PIEZO1: variants seen among roughly 807,000 people sequenced by gnomAD.
PIEZO1 encodes the protein piezo-type mechanosensitive ion channel component 1.
PIEZO1 carries 296 observed loss-of-function variants against 297.2 expected under a neutral mutation model. The observed-to-expected ratio is 1.00, with a 90% CI of 0.91 to 1.10. The LOEUF (loss-of-function observed/expected upper bound fraction) is 1.10, where lower values mean the gene tolerates loss of function less well. PIEZO1 is among the 50% of genes least tolerant of loss of function. PIEZO1 has a pLI of 0.00. For synonymous variants in PIEZO1, 2,427 were observed against 1,507.5 expected (o/e 1.61, Z -14.13); for missense variants, 5,018 against 3,455.5 (o/e 1.45, Z -11.34).
At chr16:88,731,652 C>T (rs1036246258) in intron 22 of PIEZO1, 54 bp downstream of exon 22, 103 of 1,402,788 alleles carry the variant, frequency 7.3e-5, no homozygotes, top group South Asian at 4.4e-4. Context: ...AACACCCCCA[C>T]GGGCATCCAC....
Position 88,715,732 on chromosome 16 carries a change from A to G in PIEZO1, c.7439T>C (p.Leu2480Pro). Residue 2480 changes from leucine to proline, a missense_variant, in exon 51 of 51, where the codon CTC (leucine) becomes CCC (proline). Coordinates refer to ENST00000301015, the MANE Select transcript of PIEZO1 (RefSeq NM_001142864.4). ...CCGCACCAGGAAGATGTCCTGGCAGAGCTTGAGGATGCGGTCCACGCACGG... is the reference window on the plus strand; with the variant it reads ...CCGCACCAGGAAGATGTCCTGGCAGGGCTTGAGGATGCGGTCCACGCACGG... ...ELPCVDRILK[L>P]CQDIFLVRET... is the part of the protein sequence containing the mutation. 1 of 1,550,472 alleles carries G rather than the reference A, an allele frequency of 6.4e-7. No homozygotes were observed. The highest frequency in any genetic ancestry group is 8.7e-7 in the Non-Finnish European group (1 of 1,146,996).
intron 6 of PIEZO1, 23 bp downstream of exon 6, chr16:88,738,545 G>A: frequency 6.5e-7 from 1 of 1,531,382 alleles, no homozygotes; most frequent in Non-Finnish European, 8.7e-7. Context: ...GTGACTGCCA[G>A]TGCCCCCTGC....
At chr16:88,754,846 G>A (rs968025697) in intron 1 of PIEZO1, among the ~76,000 whole-genome samples, 2 of 152,236 alleles carry the variant, frequency 1.3e-5, no homozygotes, top group African/African-American at 4.8e-5. Flanking sequence ...AGGAGCTGAG[G>A]CTGCATCACA....
At chr16:88,743,254 G>A (rs1417260420) in intron 2 of PIEZO1, 3 of 456,560 alleles carry the variant, frequency 6.6e-6, no homozygotes, top group Non-Finnish European at 1.3e-5. Flanking sequence ...TCTGCTCTCG[G>A]CGCACATGTG....
At chr16:88,766,742 G>A (rs1278042192) in intron 1 of PIEZO1, among the ~76,000 whole-genome samples, 1 of 152,226 alleles carries the variant, frequency 6.6e-6, no homozygotes, top group Non-Finnish European at 1.5e-5. Flanking sequence ...TAACCACTAG[G>A]TGGGCAGGGC....
chr16:88,763,294 G>A (rs1156274146), intron 1 of PIEZO1, among the ~76,000 whole-genome samples: 1 of 152,220 alleles, frequency 6.6e-6, no homozygotes, highest in African/African-American at 2.4e-5. Context: ...GAACAGGGCG[G>A]CCCAAGGCAG....
At position 88,738,182 on chromosome 16, in the gene PIEZO1, G is replaced by A. The variant is rs1346237586; in HGVS notation, c.848+45C>T. ...CAGGGGCTAGACGAGCCAGGTGGGC[G>A]GGACCAGGGTGGCAGGAAAAAGGGG... On this transcript the variant is annotated intron_variant, in intron 7 of 50. Coordinates refer to ENST00000301015, the MANE Select transcript of PIEZO1 (RefSeq NM_001142864.4). 31 of 1,533,116 alleles carry A rather than the reference G, an allele frequency of 2.0e-5. No individual in the cohort carries two copies. The Middle Eastern group carries it at 5.0e-4, about 25-fold the overall frequency. 95.0% of individuals were successfully genotyped at this position (1,533,116 alleles called of 1,614,324 possible). A position where few individuals can be genotyped will look rare whatever the true frequency, so the allele number is the denominator to read the frequency against.
rs769452959 is a variant in PIEZO1 at position 88,733,942 on chromosome 16, C to T, written c.2293G>A (p.Val765Met). ...TGCGTGGCCTGGTGGGGAGTGGCCA[C>T]GCCCAGCCCCTCGTCCCTGGAGTCC... ...EEDSRDEGLG[V>M]ATPHQATQVP... Residue 765 changes from valine (V) to methionine (M), a missense_variant, in exon 17 of 51, where the codon GTG becomes ATG. Val to Met is a conservative substitution (Grantham distance 21, BLOSUM62 1). Transcript: ENST00000301015. 7.8e-6 allele frequency: 12 copies of T among 1,542,562 alleles called. No individual in the cohort carries two copies. The highest frequency in any genetic ancestry group is 2.7e-5 in the African/African-American group (2 of 72,884).
rs773385726 is a variant in PIEZO1 at position 88,734,853 on chromosome 16, C to T, written c.1848+22G>A. The T allele has an allele frequency of 1.4e-4, 214 of 1,550,238 alleles. 1 individual carries two copies. The highest frequency in any genetic ancestry group is 5.6e-4 in the South Asian group (47 of 84,060). On this transcript the variant is annotated intron_variant, in intron 14 of 50. Coordinates refer to ENST00000301015, the MANE Select transcript of PIEZO1 (RefSeq NM_001142864.4). ...CGCGGGGAGGGTCCGTGCCCCAGCC[C>T]CCATCCCGGCCCCCCAGCCACCTGG... is the stretch of plus-strand genomic sequence containing the variant.
chr16:88,756,322 G>C (rs1906651409), intron 1 of PIEZO1, among the ~76,000 whole-genome samples: 2 of 152,192 alleles, frequency 1.3e-5, no homozygotes, highest in Admixed American at 6.5e-5. Context: ...CCACAACCTG[G>C]AGTCAGTCGT....
Position 88,721,990 on chromosome 16 carries a change from CCCGCAGCAG to C in PIEZO1, c.5023_5031del (p.Leu1675_Arg1677del). On this transcript the variant is annotated inframe_deletion, in exon 37 of 51. Transcript: ENST00000301015. The stretch of plus-strand genomic sequence containing the variant: ...TGGGCGGCCACACACTGGTACACGG[CCCGCAGCAG>C]CCGCAGCGCCCGGCCCTGCCCCTCC... 1 of 1,549,626 alleles carries C rather than the reference CCCGCAGCAG, an allele frequency of 6.5e-7. No individual in the cohort carries two copies. The highest frequency in any genetic ancestry group is 8.7e-7 in the Non-Finnish European group (1 of 1,146,764).
chr16:88,726,760 G>A lies in PIEZO1; in HGVS notation c.3654C>T (p.Leu1218=), dbSNP rs745841990. Residue 1218 remains leucine (L), a synonymous_variant, in exon 25 of 51, where the codon CTC becomes CTT. Coordinates refer to ENST00000301015, the MANE Select transcript of PIEZO1 (RefSeq NM_001142864.4). The stretch of plus-strand genomic sequence containing the variant: ...TGATGACGGTGACGTTGTACAGAAT[G>A]AGGCAGTCCCACAGCACGAGGCGGG... The part of the protein sequence containing the change: ...TRARLVLWDC[L]ILYNVTVIIS... 22 of 1,550,062 alleles carry A rather than the reference G, an allele frequency of 1.4e-5. No individual in the cohort carries two copies. Among genetic ancestry groups the A allele is most frequent in the Non-Finnish European group, 1.7e-5 (20 of 1,146,858 alleles).
chr16:88,726,736 G>T lies in PIEZO1; in HGVS notation c.3678C>A (p.Ile1226=). The change falls in exon 25 of 51, where the codon ATC becomes ATA. Residue 1226 remains isoleucine, a synonymous_variant. Coordinates refer to ENST00000301015, the MANE Select transcript of PIEZO1 (RefSeq NM_001142864.4). ...DCLILYNVTV[I]ISKNMLSLLA... is the part of the protein sequence containing the mutation. ...TCACCGACAGCATGTTCTTGGAGATGATGACGGTGACGTTGTACAGAATGA... is the reference window on the plus strand; with the variant it reads ...TCACCGACAGCATGTTCTTGGAGATTATGACGGTGACGTTGTACAGAATGA... 6.5e-7 allele frequency: 1 copy of T among 1,550,036 alleles called. No homozygotes were observed. The highest frequency in any genetic ancestry group is 8.7e-7 in the Non-Finnish European group (1 of 1,146,762).
chr16:88,724,624 G>A (rs1041069349), intron 30 of PIEZO1, among the ~76,000 whole-genome samples: 4 of 152,082 alleles, frequency 2.6e-5, no homozygotes, highest in Non-Finnish European at 5.9e-5. Context: ...AACCCGGGAG[G>A]TAGAGATTGC....
rs1029415260 is a variant in PIEZO1 at position 88,717,046 on chromosome 16, T to C, written c.6637A>G (p.Thr2213Ala). The C allele has an allele frequency of 3.2e-6, 5 of 1,550,518 alleles. No homozygotes were observed. The African/African-American group carries it at 6.8e-5, about 21-fold the overall frequency. The change falls in exon 45 of 51, where the codon ACC becomes GCC. Residue 2213 changes from threonine to alanine, a missense_variant. Transcript: ENST00000301015. ...ACCTCATAGCCGCCCAGCTTCAGGG[T>C]GACGGTGACATCGATGGGCTGGTTG... ...VVNQPIDVTVTLKLGGYEPLF... is the reference protein window; with the variant it reads ...VVNQPIDVTVALKLGGYEPLF...
Position 88,736,205 on chromosome 16 carries a change from G to C in PIEZO1, c.1500C>G (p.Ser500Arg), listed in dbSNP as rs1167139880. ...TGTGCTCCAGCCCCAGCTGGCGCAGGCTGACGGGGCCCAGGGTGGTGGGCA... is the reference window on the plus strand; with the variant it reads ...TGTGCTCCAGCCCCAGCTGGCGCAGCCTGACGGGGCCCAGGGTGGTGGGCA... ...PELPTTLGPV[S>R]LRQLGLEHTR... The change falls in exon 12 of 51, where the codon AGC (serine) becomes AGG (arginine). Residue 500 changes from serine (S) to arginine (R), a missense_variant. Physicochemically the swap from Ser to Arg is moderately radical, Grantham distance 110. Coordinates refer to ENST00000301015, the MANE Select transcript of PIEZO1 (RefSeq NM_001142864.4). 6.5e-7 allele frequency: 1 copy of C among 1,549,724 alleles called. No homozygotes were observed.
intron 2 of PIEZO1, among the ~76,000 whole-genome samples, chr16:88,748,077 CG>C (rs1906157866): frequency 6.6e-6 from 1 of 152,228 alleles, no homozygotes; most frequent in African/African-American, 2.4e-5. Context: ...TCCACAGTCA[CG>C]CCCCCTGGTC....
At position 88,782,319 on chromosome 16, in the gene PIEZO1, C is replaced by A. The variant is rs778187629; in HGVS notation, c.64+2582G>T. ...ATAGAGATGGGGATCTCTACGTTGC[C>A]CAGGCTGCTCTCGAATGGCTACGCT... is the stretch of plus-strand genomic sequence containing the variant. On this transcript the variant is annotated intron_variant, in intron 1 of 50. Coordinates refer to ENST00000301015, the MANE Select transcript of PIEZO1 (RefSeq NM_001142864.4). Among the ~76,000 whole-genome samples the A allele has an allele frequency of 1.6e-3, 237 of 152,054 alleles. 3 individuals are homozygous for A. Among genetic ancestry groups the A allele is most frequent in the Non-Finnish European group, 1.4e-3 (94 of 68,006 alleles).
chr16:88,716,815 G>C lies in PIEZO1; in HGVS notation c.6744C>G (p.Asp2248Glu). The stretch of plus-strand genomic sequence containing the variant: ...GGCAGAGGCCACTTACCGGCTGGGG[G>C]TCAAACTGCCGGGACAGCTCCTCAT... ...QAYEELSRQF[D>E]PQPLAMQFIS... The change falls in exon 46 of 51, where the codon GAC (aspartate) becomes GAG (glutamate). Residue 2248 changes from aspartate to glutamate, a missense_variant. Physicochemically the swap from Asp to Glu is conservative, Grantham distance 45. Transcript: ENST00000301015. 2 of 1,550,062 alleles carry C rather than the reference G, an allele frequency of 1.3e-6. No individual in the cohort carries two copies. Among genetic ancestry groups the C allele is most frequent in the Non-Finnish European group, 1.7e-6 (2 of 1,146,952 alleles).
Sources: allele counts gnomAD v4.1 joint callset (sites outside exome capture counted in the v4.1 genomes callset), GRCh38; gene constraint gnomAD v4.1.1; transcripts MANE v1.5; gene names NCBI Gene and HGNC (gene_info 2026-07-23, HGNC 2026-07-21).